EXD3: variants seen among roughly 807,000 people sequenced by gnomAD.
EXD3 encodes the protein exonuclease mut-7 homolog.
In EXD3, 92 loss-of-function variants were observed where a neutral mutation model predicts 98.0. The observed-to-expected ratio is 0.94, with a 90% confidence interval of 0.79 to 1.12. The LOEUF is 1.12. EXD3 is among the 50% of genes most tolerant of loss of function. The probability of loss-of-function intolerance (pLI) is 0.00; values close to 1 mark genes in which losing one functional copy is unlikely to be tolerated. For missense variants in EXD3, 1,222 were observed against 1,191.6 expected (o/e 1.03, Z -0.38); for synonymous variants, 569 against 526.0 (o/e 1.08, Z -1.12).
chr9:137,410,419 A>G (rs963067314), intron 1 of EXD3, among the ~76,000 whole-genome samples: 6 of 144,532 alleles, frequency 4.2e-5, no homozygotes, highest in Non-Finnish European at 1.5e-5. Flanking sequence ...CAGGAGGTGG[A>G]GGTTGCAGTG....
intron 17 of EXD3, among the ~76,000 whole-genome samples, chr9:137,328,611 G>GCTACACGGGACTACACGGGA (rs1564477381): frequency 5.3e-5 from 1 of 19,004 alleles, no homozygotes; most frequent in South Asian, 1.6e-3. Context: ...ACTACACGGG[G>GCTACACGGGACTACACGGGA]CTACACGGGA....
chr9:137,375,494 C>T (rs9695362), intron 3 of EXD3, among the ~76,000 whole-genome samples: 2 of 150,796 alleles, frequency 1.3e-5, no homozygotes, highest in Non-Finnish European at 3.0e-5. Context: ...TCTAGTGAGT[C>T]CTAGCTCTAG....
At chr9:137,378,354 G>T (rs1367242252) in intron 3 of EXD3, among the ~76,000 whole-genome samples, 1 of 152,124 alleles carries the variant, frequency 6.6e-6, no homozygotes, top group Admixed American at 6.5e-5. Flanking sequence ...GACTACAGGT[G>T]CATGCCACCA....
intron 17 of EXD3, among the ~76,000 whole-genome samples, chr9:137,327,528 C>A (rs1366936459): frequency 6.6e-6 from 1 of 151,912 alleles, no homozygotes; most frequent in East Asian, 1.9e-4. Context: ...GAATTGTACA[C>A]TTAAAAATGG....
At position 137,349,425 on chromosome 9, in the gene EXD3, T is replaced by C; in HGVS notation, c.1601A>G (p.Gln534Arg). ...CCTCCGGTCCCAGTTGGACAGCTGCTGCGTCTTGTCCAGGGCTGTGCCCAG... is the reference window on the plus strand; with the variant it reads ...CCTCCGGTCCCAGTTGGACAGCTGCCGCGTCTTGTCCAGGGCTGTGCCCAG... ...QVLGTALDKT[Q>R]QLSNWDRRPL... The change falls in exon 15 of 22, where the codon CAG becomes CGG. Residue 534 changes from glutamine (Q) to arginine (R), a missense_variant. By Grantham distance (43) the Gln-to-Arg change is conservative. Transcript: ENST00000340951. The surrounding 1 kb of genome is among the most constrained non-coding windows in gnomAD (Gnocchi z 7.4). The C allele has an allele frequency of 6.2e-7, 1 of 1,600,464 alleles. No individual in the cohort carries two copies.
intron 3 of EXD3, among the ~76,000 whole-genome samples, chr9:137,382,724 G>T (rs1836378054): frequency 6.6e-6 from 1 of 152,112 alleles, no homozygotes; most frequent in Non-Finnish European, 1.5e-5. Context: ...GCTGGGGTTG[G>T]AGGGCGTCCC....
chr9:137,308,735 C>T (rs942755155), intron 20 of EXD3, among the ~76,000 whole-genome samples: 3 of 150,458 alleles, frequency 2.0e-5, no homozygotes, highest in African/African-American at 7.4e-5. Flanking sequence ...CTCCCAGGTT[C>T]AAGTGATTCT....
chr9:137,309,496 T>G, intron 20 of EXD3, 111 bp downstream of exon 20: 1 of 872,494 alleles, frequency 1.1e-6, no homozygotes. Flanking sequence ...GCTGCCACCC[T>G]TATCTGAGGA....
At chr9:137,353,163 C>T (rs1402897429) in intron 10 of EXD3, 1 of 983,448 alleles carries the variant, frequency 1.0e-6, no homozygotes, top group Non-Finnish European at 1.2e-6. Flanking sequence ...CTCCAAGCCT[C>T]TGCTGACCTT....
rs543661524 is a variant in EXD3 at position 137,336,486 on chromosome 9, CCT to C, written c.1998+11583_1998+11584del. 2.0e-3 allele frequency among the ~76,000 whole-genome samples: 301 copies of C among 151,972 alleles called. 1 individual carries two copies. Among genetic ancestry groups the C allele is most frequent in the African/African-American group, 6.7e-3 (276 of 41,436 alleles). On this transcript the variant is annotated intron_variant, in intron 17 of 21. Coordinates refer to ENST00000340951, the MANE Select transcript of EXD3 (RefSeq NM_017820.5). The stretch of plus-strand genomic sequence containing the variant: ...CACCAGCCTGGCCAACATGGCGAAA[CCT>C]CATATCTACTAAAAATACAAACATT...
At chr9:137,327,368 T>C (rs1242320321) in intron 17 of EXD3, among the ~76,000 whole-genome samples, 2 of 152,000 alleles carry the variant, frequency 1.3e-5, no homozygotes, top group African/African-American at 2.4e-5. Flanking sequence ...CTCCTGACCT[T>C]GTGATCCGCC....
chr9:137,349,529 C>A lies in EXD3; in HGVS notation c.1497G>T (p.Met499Ile). The A allele has an allele frequency of 6.3e-7, 1 of 1,588,016 alleles. No homozygotes were observed. ...GMDLLLVHRQ[M>I]RVASVPAPAV... ...CTGGGGCTGGCACGCTCGCCACCCG[C>A]ATCTGCTAAGACAGTGCCCTGCAGG... Residue 499 changes from methionine to isoleucine, a missense_variant and splice_region_variant, in exon 15 of 22, where the codon ATG (methionine) becomes ATT (isoleucine). Physicochemically the swap from Met to Ile is conservative, Grantham distance 10. Coordinates refer to ENST00000340951, the MANE Select transcript of EXD3 (RefSeq NM_017820.5). This position sits in a 1 kb window ranked among gnomAD's most constrained non-coding sequence, Gnocchi z 7.4.
intron 7 of EXD3, among the ~76,000 whole-genome samples, chr9:137,362,308 T>A (rs1454307619): frequency 1.3e-5 from 2 of 152,166 alleles, no homozygotes; most frequent in Non-Finnish European, 2.9e-5. Flanking sequence ...AAGGAATACA[T>A]AATGGTCAAG....
chr9:137,353,406 C>T lies in EXD3; in HGVS notation c.871-620G>A, dbSNP rs954285798. On this transcript the variant is annotated intron_variant, in intron 10 of 21. Transcript: ENST00000340951. ...AGCCTGCCCCATCTCCACGCTCCTC[C>T]TCTTGCCAGGGGAGCCCCTCTGCCC... is the stretch of plus-strand genomic sequence containing the variant. The T allele has an allele frequency of 2.6e-5, 26 of 985,408 alleles. No homozygotes were observed. The Admixed American group carries it at 1.5e-3, about 58-fold the overall frequency. 61.0% of individuals were successfully genotyped at this position (985,408 alleles called of 1,614,324 possible). A position where few individuals can be genotyped will look rare whatever the true frequency, so the allele number is the denominator to read the frequency against.
chr9:137,380,295 A>C (rs1335393473), intron 3 of EXD3, among the ~76,000 whole-genome samples: 6 of 99,518 alleles, frequency 6.0e-5, no homozygotes, highest in East Asian at 3.1e-4. Flanking sequence ...CCCCACCCCA[A>C]TGCCCCTCTG....
chr9:137,414,899 C>G (rs888084405), intron 1 of EXD3, among the ~76,000 whole-genome samples: 5 of 152,100 alleles, frequency 3.3e-5, no homozygotes, highest in Non-Finnish European at 7.4e-5. Flanking sequence ...GCTCTGTTGT[C>G]CAGGCTGAGA....
rs994661542 is a variant in EXD3 at position 137,385,916 on chromosome 9, CAT to C, written c.56-2541_56-2540del. Among the ~76,000 whole-genome samples the C allele has an allele frequency of 4.6e-5, 7 of 152,274 alleles. No homozygotes were observed. Among genetic ancestry groups the C allele is most frequent in the Non-Finnish European group, 7.4e-5 (5 of 68,024 alleles). On this transcript the variant is annotated intron_variant, in intron 2 of 21. Transcript: ENST00000340951. The surrounding 1 kb of genome is among the most constrained non-coding windows in gnomAD (Gnocchi z 4.4). The stretch of plus-strand genomic sequence containing the variant: ...GACGGTGGTGGCAGCTGTGCAGCCA[CAT>C]GAGTGCCCTTAATGCCACTGAGTGT...
At chr9:137,321,029 C>T (rs569571765) in intron 19 of EXD3, among the ~76,000 whole-genome samples, 4 of 152,302 alleles carry the variant, frequency 2.6e-5, no homozygotes, top group South Asian at 4.1e-4. Context: ...CCGCGGTCCC[C>T]GCAGGGCAGT....
intron 10 of EXD3, chr9:137,353,193 C>G: frequency 2.0e-6 from 2 of 983,888 alleles, no homozygotes; most frequent in Non-Finnish European, 2.4e-6. Flanking sequence ...CAAGCCTCCA[C>G]CAGCCCTCCT....
Sources: gnomAD v4.1 joint callset for allele counts (sites outside exome capture counted in the v4.1 genomes callset) on GRCh38, gnomAD v4.1.1 for gene constraint, Gnocchi (gnomAD v3.1) non-coding constraint, MANE v1.5 for transcripts, NCBI Gene and HGNC (gene_info 2026-07-23, HGNC 2026-07-21) for gene names.